Variants in HS3ST5 observed in about 807,000 individuals in gnomAD.
The protein encoded by HS3ST5 is heparan sulfate glucosamine 3-O-sulfotransferase 5.
In HS3ST5, 10 loss-of-function variants were observed where a neutral mutation model predicts 25.4. The observed-to-expected ratio is 0.39, with a 90% CI of 0.24 to 0.67. The LOEUF (loss-of-function observed/expected upper bound fraction) is 0.67, where lower values mean the gene tolerates loss of function less well. Among genes scored for constraint, HS3ST5 ranks in the 30% least tolerant of loss-of-function variants. HS3ST5 has a pLI of 0.44. For missense variants in HS3ST5, 324 were observed against 420.7 expected, an observed-to-expected ratio of 0.77 and a Z score of 2.01; for synonymous variants, 170 against 162.4, an observed-to-expected ratio of 1.05 and a Z score of -0.36.
chr6:114,280,909 C>T (rs914221819), intron 1 of HS3ST5, among the ~76,000 whole-genome samples: 3 of 151,978 alleles, frequency 2.0e-5, no homozygotes, highest in South Asian at 2.1e-4. Flanking sequence ...GTAAGCTTCA[C>T]GTCAATGGGT....
chr6:114,208,526 T>C (rs1219476035), intron 2 of HS3ST5, among the ~76,000 whole-genome samples: 2 of 152,170 alleles, frequency 1.3e-5, no homozygotes, highest in Admixed American at 6.5e-5. Context: ...GGGAGAATAG[T>C]ACAAAGAATC....
At chr6:114,102,089 C>A (rs1029792968) in intron 3 of HS3ST5, among the ~76,000 whole-genome samples, 1 of 152,108 alleles carries the variant, frequency 6.6e-6, no homozygotes, top group African/African-American at 2.4e-5. Context: ...CTAAAAACTA[C>A]CTATCAGGTA....
intron 3 of HS3ST5, among the ~76,000 whole-genome samples, chr6:114,065,662 T>C (rs1181926363): frequency 6.6e-6 from 1 of 152,272 alleles, no homozygotes; most frequent in Non-Finnish European, 1.5e-5. Flanking sequence ...GTGTCATTTG[T>C]TTCTTAGCAT....
intron 3 of HS3ST5, among the ~76,000 whole-genome samples, chr6:114,091,735 CCAT>C (rs1452378787): frequency 1.3e-5 from 2 of 152,100 alleles, no homozygotes; most frequent in African/African-American, 4.8e-5. Context: ...GAAGAAGCCA[CCAT>C]GTTTTGGCCT....
chr6:114,341,587 TCCCG>T (rs1776874065), intron 1 of HS3ST5, among the ~76,000 whole-genome samples: 1 of 123,026 alleles, frequency 8.1e-6, no homozygotes, highest in Admixed American at 7.7e-5. Context: ...ACTGCATCCA[TCCCG>T]CGCGCGCGCG....
intron 3 of HS3ST5, among the ~76,000 whole-genome samples, chr6:114,122,743 G>A (rs1344237006): frequency 6.6e-6 from 1 of 152,134 alleles, no homozygotes; most frequent in African/African-American, 2.4e-5. Context: ...AGGAGTGTGT[G>A]TGTTATAGGT....
chr6:114,097,514 A>T (rs1775496145), intron 3 of HS3ST5, among the ~76,000 whole-genome samples: 1 of 151,926 alleles, frequency 6.6e-6, no homozygotes, highest in Admixed American at 6.6e-5. Context: ...ATGCTTTCAA[A>T]TATGTTCCAA....
chr6:114,315,146 T>C (rs1256259642), intron 1 of HS3ST5, among the ~76,000 whole-genome samples: 1 of 152,154 alleles, frequency 6.6e-6, no homozygotes, highest in Non-Finnish European at 1.5e-5. Flanking sequence ...TTTGTGGATA[T>C]AAGAGCATTT....
rs1446419380 is a variant in HS3ST5 at position 114,228,642 on chromosome 6, A to C, written c.-202T>G. On this transcript the variant is annotated 5_prime_UTR_variant, in exon 2 of 5. Coordinates refer to ENST00000312719, the MANE Select transcript of HS3ST5 (RefSeq NM_153612.4). ...GAACATATATGGTGGAAACTTTCAA[A>C]GGAATATATGTAGTGGATTCTCTCC... The C allele has an allele frequency of 6.6e-6, 1 of 152,136 alleles. No individual in the cohort carries two copies. The highest frequency in any genetic ancestry group is 1.5e-5 in the Non-Finnish European group (1 of 68,016). 9.4% of individuals were successfully genotyped at this position (152,136 alleles called of 1,614,324 possible). A position where few individuals can be genotyped will look rare whatever the true frequency, so the allele number is the denominator to read the frequency against.
intron 3 of HS3ST5, among the ~76,000 whole-genome samples, chr6:114,064,649 C>G (rs1773343498): frequency 6.6e-6 from 1 of 152,080 alleles, no homozygotes; most frequent in African/African-American, 2.4e-5. Context: ...GAATAGTGGC[C>G]AATTAAATAG....
intron 3 of HS3ST5, among the ~76,000 whole-genome samples, chr6:114,081,602 G>C (rs775493715): frequency 2.6e-5 from 4 of 152,282 alleles, no homozygotes; most frequent in South Asian, 2.1e-4. Flanking sequence ...ATTCATCAAG[G>C]CTAGCAAAAG....
chr6:114,108,595 A>T (rs930654493), intron 3 of HS3ST5, among the ~76,000 whole-genome samples: 3 of 152,152 alleles, frequency 2.0e-5, no homozygotes, highest in Non-Finnish European at 4.4e-5. Flanking sequence ...AAAGCTCAAC[A>T]TGCTGACAGC....
chr6:114,214,347 C>T (rs1486779616), intron 2 of HS3ST5, among the ~76,000 whole-genome samples: 2 of 152,160 alleles, frequency 1.3e-5, no homozygotes, highest in Admixed American at 1.3e-4. Flanking sequence ...GTCCAGGAGC[C>T]AATTCAGGAT....
intron 3 of HS3ST5, among the ~76,000 whole-genome samples, chr6:114,096,626 T>C (rs1302085268): frequency 1.3e-5 from 2 of 152,130 alleles, no homozygotes; most frequent in African/African-American, 4.8e-5. Context: ...GGAAGTCAAC[T>C]TGGGTTTAAA....
intron 1 of HS3ST5, among the ~76,000 whole-genome samples, chr6:114,308,587 A>AAAAAACAAAAAC (rs961446365): frequency 1.3e-5 from 2 of 152,226 alleles, no homozygotes; most frequent in Admixed American, 1.3e-4. Flanking sequence ...ACTCTGTCTC[A>AAAAAACAAAAAC]AAAAACAAAA....
rs376022658 is a variant in HS3ST5 at position 114,119,883 on chromosome 6, A to G, written c.-33+48468T>C. Among the ~76,000 whole-genome samples, 5 of 152,222 alleles carry G rather than the reference A, an allele frequency of 3.3e-5. No homozygotes were observed. In the East Asian group the frequency reaches 5.8e-4, roughly 18 times the overall value. On this transcript the variant is annotated intron_variant, in intron 3 of 4. Transcript: ENST00000312719. ...CAGTAAAGCAAGAGAGATAAACAAT[A>G]AAGAAGTAATCCCAGCACTTTGGGA...
At chr6:114,243,374 T>C (rs1311775311) in intron 1 of HS3ST5, among the ~76,000 whole-genome samples, 1 of 152,192 alleles carries the variant, frequency 6.6e-6, no homozygotes, top group Non-Finnish European at 1.5e-5. Flanking sequence ...ATTCTCCCTT[T>C]CTCTGACTTC....
At chr6:114,242,245 A>T (rs1390416701) in intron 1 of HS3ST5, among the ~76,000 whole-genome samples, 1 of 152,166 alleles carries the variant, frequency 6.6e-6, no homozygotes, top group Non-Finnish European at 1.5e-5. Context: ...TGAAATAATA[A>T]TATTTTGGAT....
intron 3 of HS3ST5, among the ~76,000 whole-genome samples, chr6:114,063,086 T>C (rs868614517): frequency 6.6e-6 from 1 of 152,132 alleles, no homozygotes; most frequent in African/African-American, 2.4e-5. Flanking sequence ...ACTAACTCAA[T>C]GGGGAAGGAT....
Sources: gnomAD v4.1 joint callset for allele counts (sites outside exome capture counted in the v4.1 genomes callset) on GRCh38, gnomAD v4.1.1 for gene constraint, MANE v1.5 for transcripts, NCBI Gene and HGNC (gene_info 2026-07-23, HGNC 2026-07-21) for gene names.